The following RNF4 variants were observed in gnomAD, a reference collection of about 807,000 sequenced individuals.
RNF4 encodes the protein E3 ubiquitin-protein ligase RNF4.
Under a neutral mutation model 24.3 loss-of-function variants are expected in RNF4, and 7 were observed. The observed-to-expected ratio is 0.29, with a 90% confidence interval of 0.16 to 0.54. RNF4 has a LOEUF of 0.54. RNF4 is among the 20% of genes least tolerant of loss of function. The probability of loss-of-function intolerance (pLI) is 0.95; values close to 1 mark genes in which losing one functional copy is unlikely to be tolerated. For missense variants in RNF4, 209 were observed against 248.5 expected, an observed-to-expected ratio of 0.84 and a Z score of 1.07; for synonymous variants, 83 against 84.3, an observed-to-expected ratio of 0.98 and a Z score of 0.09.
chr4:2,491,697 G>A (rs559476966), intron 2 of RNF4, among the ~76,000 whole-genome samples: 58 of 152,058 alleles, frequency 3.8e-4, no homozygotes, highest in Non-Finnish European at 6.8e-4. Flanking sequence ...GCCTCCCAAA[G>A]TGCTAGGATG....
intron 1 of RNF4, among the ~76,000 whole-genome samples, chr4:2,470,700 T>C (rs1734876534): frequency 6.6e-6 from 1 of 152,210 alleles, no homozygotes; most frequent in Admixed American, 6.5e-5. Flanking sequence ...TAGCGTATTT[T>C]TGAGGTCTCC....
intron 1 of RNF4, chr4:2,480,168 A>T (rs1386259083): frequency 1.3e-5 from 2 of 150,542 alleles, no homozygotes; most frequent in African/African-American, 4.9e-5. Flanking sequence ...CTGGTCCAGA[A>T]CTCCTGGGCT....
chr4:2,497,112 G>A lies in RNF4; in HGVS notation c.115G>A (p.Val39Met), dbSNP rs771994341. The A allele has an allele frequency of 2.6e-5, 41 of 1,604,338 alleles. No individual in the cohort carries two copies. In the East Asian group the frequency reaches 3.1e-4, roughly 12 times the overall value. Residue 39 changes from valine (V) to methionine (M), a missense_variant, in exon 3 of 8, where the codon GTG becomes ATG. This residue lies in a region of RNF4 where 182 missense variants were observed against 197.2 expected (regional missense o/e 0.92). Coordinates refer to ENST00000314289, the MANE Select transcript of RNF4 (RefSeq NM_002938.5). Reference protein sequence around the residue: ...ISLEAEPIELVETAGDEIVDL... With the variant: ...ISLEAEPIELMETAGDEIVDL... ...CTTGGAAGCAGAACCCATAGAACTC[G>A]TGGAAACTGGTAAGATTGCCAGGGA...
chr4:2,495,228 C>G (rs577816563), intron 2 of RNF4, among the ~76,000 whole-genome samples: 1 of 152,192 alleles, frequency 6.6e-6, no homozygotes, highest in Non-Finnish European at 1.5e-5. Context: ...TCCAAAACAT[C>G]TCAAGCTGCC....
At chr4:2,511,028 A>C (rs945216654) in intron 4 of RNF4, among the ~76,000 whole-genome samples, 1 of 152,208 alleles carries the variant, frequency 6.6e-6, no homozygotes, top group African/African-American at 2.4e-5. Flanking sequence ...GAGCAATGCA[A>C]ATCCTCCTCC....
intron 1 of RNF4, among the ~76,000 whole-genome samples, chr4:2,486,834 C>G (rs767743729): frequency 3.3e-5 from 5 of 152,212 alleles, no homozygotes; most frequent in Non-Finnish European, 5.9e-5. Flanking sequence ...AGTAGCTTCT[C>G]TTTTCTAAAT....
intron 1 of RNF4, among the ~76,000 whole-genome samples, chr4:2,477,735 T>C (rs1735124826): frequency 6.6e-6 from 1 of 152,318 alleles, no homozygotes; most frequent in Middle Eastern, 3.4e-3. Context: ...GGAACTGGCT[T>C]TTGTAAACTT....
intron 1 of RNF4, among the ~76,000 whole-genome samples, chr4:2,475,447 T>C (rs1486920612): frequency 1.3e-5 from 2 of 152,166 alleles, no homozygotes; most frequent in Admixed American, 6.6e-5. Flanking sequence ...CACGCCATTC[T>C]CCTGCCTCAG....
chr4:2,503,026 CG>C (rs1735964126), intron 4 of RNF4, among the ~76,000 whole-genome samples: 1 of 151,812 alleles, frequency 6.6e-6, no homozygotes, highest in Non-Finnish European at 1.5e-5. Flanking sequence ...AAATTTGGGT[CG>C]GGTGGTGGTG....
intron 1 of RNF4, chr4:2,481,151 C>T (rs1560401324): frequency 6.6e-6 from 1 of 152,222 alleles, no homozygotes; most frequent in Non-Finnish European, 1.5e-5. Flanking sequence ...CTCAATAACT[C>T]ACAATCTGTA....
intron 2 of RNF4, among the ~76,000 whole-genome samples, chr4:2,491,235 G>A (rs759567090): frequency 7.2e-5 from 11 of 152,046 alleles, no homozygotes; most frequent in Non-Finnish European, 1.5e-4. Flanking sequence ...ACTGTTTAGC[G>A]CTTTTGTTTG....
chr4:2,471,423 G>A (rs552940938), intron 1 of RNF4, among the ~76,000 whole-genome samples: 66 of 150,854 alleles, frequency 4.4e-4, no homozygotes, highest in Non-Finnish European at 8.4e-4. Context: ...CTCTCCTCAG[G>A]CCTCTCAATT....
intron 4 of RNF4, 114 bp downstream of exon 4, chr4:2,500,852 G>C (rs1218447401): frequency 1.0e-5 from 9 of 890,442 alleles, no homozygotes; most frequent in African/African-American, 3.3e-5. Context: ...TTATGCTAAA[G>C]AAGTTCATGC....
intron 2 of RNF4, among the ~76,000 whole-genome samples, chr4:2,495,418 C>T (rs1735702735): frequency 6.6e-6 from 1 of 152,194 alleles, no homozygotes; most frequent in Non-Finnish European, 1.5e-5. Flanking sequence ...ATAGTAGTAG[C>T]ATCTTCCGTC....
chr4:2,498,857 C>T (rs752845469), intron 3 of RNF4, among the ~76,000 whole-genome samples: 3 of 152,170 alleles, frequency 2.0e-5, no homozygotes, highest in Non-Finnish European at 4.4e-5. Context: ...TGCCACTGCA[C>T]TCTAGCCTGG....
chr4:2,486,880 GC>G (rs1424285216), intron 1 of RNF4, among the ~76,000 whole-genome samples: 1 of 152,076 alleles, frequency 6.6e-6, no homozygotes, highest in Admixed American at 6.6e-5. Flanking sequence ...GGGAGAACAA[GC>G]CCCTATATGA....
intron 1 of RNF4, among the ~76,000 whole-genome samples, chr4:2,485,691 C>A (rs925017695): frequency 1.3e-5 from 2 of 152,214 alleles, no homozygotes; most frequent in Admixed American, 1.3e-4. Context: ...ACCCCAGCTC[C>A]TCTTTTCTCA....
chr4:2,512,088 G>C lies in RNF4; in HGVS notation c.214+123G>C. Reference sequence around the variant, plus strand: ...CTTGGAGCGCTCCAAGCAGGAAGATGCCTTCGCAGATGCTGTGGTCAGACC... The same window carrying C: ...CTTGGAGCGCTCCAAGCAGGAAGATCCCTTCGCAGATGCTGTGGTCAGACC... On this transcript the variant is annotated intron_variant, in intron 5 of 7. Transcript: ENST00000314289. The surrounding 1 kb of genome is among the most constrained non-coding windows in gnomAD (Gnocchi z 4.1). The C allele has an allele frequency of 2.3e-6, 2 of 871,510 alleles. No homozygotes were observed. The highest frequency in any genetic ancestry group is 3.6e-6 in the Non-Finnish European group (2 of 553,956). The allele number at this position is 871,510 out of a possible 1,614,324, so 54.0% of individuals were successfully genotyped here.
chr4:2,502,607 G>A (rs1479113151), intron 4 of RNF4, among the ~76,000 whole-genome samples: 3 of 151,594 alleles, frequency 2.0e-5, no homozygotes, highest in Admixed American at 6.6e-5. Flanking sequence ...AGGAATCAGA[G>A]GTTGCAGTGA....
Sources: allele counts gnomAD v4.1 joint callset (sites outside exome capture counted in the v4.1 genomes callset), GRCh38; gene constraint gnomAD v4.1.1; regional missense constraint gnomAD v4.1.1; non-coding constraint Gnocchi (gnomAD v3.1); transcripts MANE v1.5; gene names NCBI Gene and HGNC (gene_info 2026-07-23, HGNC 2026-07-21).